DVL3: variants seen among roughly 807,000 people sequenced by gnomAD.
DVL3 encodes segment polarity protein dishevelled homolog DVL-3.
DVL3 carries 27 observed loss-of-function variants against 67.4 expected under a neutral mutation model. The observed-to-expected ratio is 0.40, with a 90% CI of 0.30 to 0.55. DVL3 has a LOEUF of 0.55. Ranked by LOEUF, DVL3 falls within the 20% of genes least tolerant of loss-of-function variation. DVL3 has a pLI of 0.46. For missense variants in DVL3, 819 were observed against 1,021.5 expected, an observed-to-expected ratio of 0.80 and a Z score of 2.70; for synonymous variants, 369 against 396.8, an observed-to-expected ratio of 0.93 and a Z score of 0.83.
rs1339766155 is a variant in DVL3, at chr3:184,166,909, A to G, written c.1132A>G (p.Ser378Gly). The change falls in exon 11 of 15, where the codon AGC becomes GGC. Residue 378 changes from serine to glycine, a missense_variant. Physicochemically the swap from Ser to Gly is moderately conservative, Grantham distance 56. Transcript: ENST00000313143. The surrounding 1 kb of genome is among the most constrained non-coding windows in gnomAD (Gnocchi z 6.7). ...CGGCACCTTCCCTGCATACGGCATG[A>G]GCCCCTCCCTGAGCACCATCACCTC... ...MTGTFPAYGM[S>G]PSLSTITSTS... The G allele has an allele frequency of 1.2e-6, 2 of 1,614,074 alleles. No individual in the cohort carries two copies. Among genetic ancestry groups the G allele is most frequent in the Non-Finnish European group, 1.7e-6 (2 of 1,180,010 alleles).
At position 184,166,758 on chromosome 3, in the gene DVL3, C is replaced by T. The variant is rs78832031; in HGVS notation, c.1049-68C>T. On this transcript the variant is annotated intron_variant, in intron 10 of 14. Coordinates refer to ENST00000313143, the MANE Select transcript of DVL3 (RefSeq NM_004423.4). The surrounding 1 kb of genome is among the most constrained non-coding windows in gnomAD (Gnocchi z 6.7). ...CCTTTCTTCTCTCACCCAGAACCCC[C>T]ATATCTATCCTGTTGGGCCCAGCAG... 1.9e-3 allele frequency: 3,068 copies of T among 1,613,322 alleles called. 50 individuals are homozygous for T. The African/African-American group carries it at 0.037, about 19-fold the overall frequency.
rs369033503 is a variant in DVL3, at chr3:184,165,037, C to T, written c.600-76C>T. 1.3e-4 allele frequency: 216 copies of T among 1,607,718 alleles called. No individual in the cohort carries two copies. In the Middle Eastern group the frequency reaches 3.2e-3, roughly 24 times the overall value. ...AGGCTTATGGGCTTTGTGTTGGGGA[C>T]CCAGGCCCTGCAGTGCCTCCCCTCA... On this transcript the variant is annotated intron_variant, in intron 5 of 14. Transcript: ENST00000313143. The surrounding 1 kb of genome is among the most constrained non-coding windows in gnomAD (Gnocchi z 4.1).
At chr3:184,159,702 G>A (rs1186820897) in intron 1 of DVL3, among the ~76,000 whole-genome samples, 1 of 151,944 alleles carries the variant, frequency 6.6e-6, no homozygotes, top group East Asian at 1.9e-4. Context: ...GTAACACTCA[G>A]CAGATGTCTA....
At position 184,166,178 on chromosome 3, in the gene DVL3, T is replaced by A. The variant is rs765975448; in HGVS notation, c.816T>A (p.Gly272=). Residue 272 remains glycine, a synonymous_variant, in exon 8 of 15, where the codon GGT becomes GGA. Coordinates refer to ENST00000313143, the MANE Select transcript of DVL3 (RefSeq NM_004423.4). This position sits in a 1 kb window ranked among gnomAD's most constrained non-coding sequence, Gnocchi z 6.7. ...TTGTGGGCCAAAGCAACGAGCGTGG[T>A]GACGGCGGCATCTACATTGGCTCTA... ...ISIVGQSNER[G]DGGIYIGSIM... The A allele has an allele frequency of 1.9e-5, 30 of 1,613,670 alleles. No homozygotes were observed. Among genetic ancestry groups the A allele is most frequent in the Non-Finnish European group, 2.5e-5 (29 of 1,179,946 alleles).
chr3:184,171,127 G>C lies in DVL3; in HGVS notation c.*372G>C. ...GGCACGCTCACTCCCTCATTCTCTC[G>C]TTTCCCCTTTAGCTCCCTTTCACCA... On this transcript the variant is annotated 3_prime_UTR_variant, in exon 15 of 15. Coordinates refer to ENST00000313143, the MANE Select transcript of DVL3 (RefSeq NM_004423.4). 2.5e-6 allele frequency: 3 copies of C among 1,191,124 alleles called. No individual in the cohort carries two copies. The highest frequency in any genetic ancestry group is 1.6e-5 in the African/African-American group (1 of 62,578). 73.8% of individuals were successfully genotyped at this position (1,191,124 alleles called of 1,614,324 possible).
chr3:184,163,179 C>T lies in DVL3; in HGVS notation c.162-478C>T, dbSNP rs888673602. On this transcript the variant is annotated intron_variant, in intron 1 of 14. Transcript: ENST00000313143. This position sits in a 1 kb window ranked among gnomAD's most constrained non-coding sequence, Gnocchi z 4.5. ...CTGGGATTACAGGTGTGAGCTATCACGCCTGGCCTCCCCTTCTCTTTTCTA... is the reference window on the plus strand; with the variant it reads ...CTGGGATTACAGGTGTGAGCTATCATGCCTGGCCTCCCCTTCTCTTTTCTA... Among the ~76,000 whole-genome samples the T allele has an allele frequency of 1.3e-5, 2 of 152,076 alleles. No homozygotes were observed. Among genetic ancestry groups the T allele is most frequent in the East Asian group, 1.9e-4 (1 of 5,176 alleles).
Position 184,166,033 on chromosome 3 carries a change from C to A in DVL3, c.764-93C>A. ...TGCCTGATTCAGGATCAGCAAATGTCAGTTCAGTTCCTGTCCCTTTCCATT... is the reference window on the plus strand; with the variant it reads ...TGCCTGATTCAGGATCAGCAAATGTAAGTTCAGTTCCTGTCCCTTTCCATT... On this transcript the variant is annotated intron_variant, in intron 7 of 14. Coordinates refer to ENST00000313143, the MANE Select transcript of DVL3 (RefSeq NM_004423.4). This position sits in a 1 kb window ranked among gnomAD's most constrained non-coding sequence, Gnocchi z 6.7. The A allele has an allele frequency of 6.9e-7, 1 of 1,456,206 alleles. No individual in the cohort carries two copies. The allele number at this position is 1,456,206 out of a possible 1,614,324, so 90.2% of individuals were successfully genotyped here.
Position 184,165,515 on chromosome 3 carries a change from T to G in DVL3, c.763+24T>G, listed in dbSNP as rs368141690. The stretch of plus-strand genomic sequence containing the variant: ...GGGTGAGTCTGAGGAAACAGCACTC[T>G]CAAGCACCTGCTATATGCCAGACAC... On this transcript the variant is annotated intron_variant, in intron 7 of 14. Transcript: ENST00000313143. This position sits in a 1 kb window ranked among gnomAD's most constrained non-coding sequence, Gnocchi z 4.1. The G allele has an allele frequency of 6.2e-6, 10 of 1,604,624 alleles. No individual in the cohort carries two copies. The African/African-American group carries it at 1.3e-4, about 21-fold the overall frequency.
At position 184,167,397 on chromosome 3, in the gene DVL3, A is replaced by G. The variant is rs373997430; in HGVS notation, c.1199-183A>G. On this transcript the variant is annotated intron_variant, in intron 11 of 14. Transcript: ENST00000313143. The surrounding 1 kb of genome is among the most constrained non-coding windows in gnomAD (Gnocchi z 4.6). ...ACATTATTTAATCCTTTATTCAAATAGCCTTGTAAAGTAGATATTAAAATC... is the reference window on the plus strand; with the variant it reads ...ACATTATTTAATCCTTTATTCAAATGGCCTTGTAAAGTAGATATTAAAATC... 6.6e-6 allele frequency among the ~76,000 whole-genome samples: 1 copy of G among 152,236 alleles called. No homozygotes were observed. The highest frequency in any genetic ancestry group is 1.9e-4 in the East Asian group (1 of 5,200).
rs1397295898 is a variant in DVL3, at chr3:184,169,987, C to T, written c.1499-19C>T. 6.3e-7 allele frequency: 1 copy of T among 1,584,212 alleles called. No homozygotes were observed. The highest frequency in any genetic ancestry group is 2.2e-5 in the East Asian group (1 of 44,462). On this transcript the variant is annotated intron_variant, in intron 13 of 14. Coordinates refer to ENST00000313143, the MANE Select transcript of DVL3 (RefSeq NM_004423.4). ...TCTCTCCGGAAAGACCTAGCTCCAT[C>T]CGGCCCTCCCCTTCACAGACATGGC...
chr3:184,165,335 GCA>G lies in DVL3; in HGVS notation c.694-85_694-84del. 6.5e-7 allele frequency: 1 copy of G among 1,545,596 alleles called. No individual in the cohort carries two copies. Among genetic ancestry groups the G allele is most frequent in the South Asian group, 1.1e-5 (1 of 87,630 alleles). On this transcript the variant is annotated intron_variant, in intron 6 of 14. Coordinates refer to ENST00000313143, the MANE Select transcript of DVL3 (RefSeq NM_004423.4). The surrounding 1 kb of genome is among the most constrained non-coding windows in gnomAD (Gnocchi z 4.1). ...GTTGAGAACCTTGGGGCTGGGGGCTGCACCGGGGACTCACCTTGAGGAGGAGT... is the reference window on the plus strand; with the variant it reads ...GTTGAGAACCTTGGGGCTGGGGGCTGCCGGGGACTCACCTTGAGGAGGAGT...
At position 184,159,545 on chromosome 3, in the gene DVL3, A is replaced by G. The variant is rs1243930644; in HGVS notation, c.161+3749A>G. Among the ~76,000 whole-genome samples, 3 of 101,916 alleles carry G rather than the reference A, an allele frequency of 2.9e-5. 1 individual carries two copies. The highest frequency in any genetic ancestry group is 6.5e-5 in the Non-Finnish European group (3 of 46,286). 66.9% of individuals were successfully genotyped at this position (101,916 alleles called of 152,430 possible). On this transcript the variant is annotated intron_variant, in intron 1 of 14. Transcript: ENST00000313143. ...CACCTGGCTAATTTTTGTATTTTAA[A>G]TAGAGATGGGGTTTTGCTACGTTAG...
intron 13 of DVL3, 23 bp from the exon 14 acceptor site, chr3:184,169,983 C>T (rs1391196342): frequency 4.4e-6 from 7 of 1,580,090 alleles, no homozygotes; most frequent in Admixed American, 1.7e-5. Flanking sequence ...AGACCTAGCT[C>T]CATCCGGCCC....
chr3:184,157,778 G>A (rs1179068126), intron 1 of DVL3, among the ~76,000 whole-genome samples: 1 of 152,158 alleles, frequency 6.6e-6, no homozygotes, highest in Non-Finnish European at 1.5e-5. Flanking sequence ...ATTTTAGCAG[G>A]GTTGAAAACA....
chr3:184,156,245 A>G (rs1714183381), intron 1 of DVL3: 9 of 450,660 alleles, frequency 2.0e-5, no homozygotes, highest in South Asian at 1.4e-4. Context: ...TCCCAGCCAT[A>G]TTTGGAGTAT....
At position 184,170,336 on chromosome 3, in the gene DVL3, T is replaced by G; in HGVS notation, c.1732T>G (p.Ser578Ala). Residue 578 changes from serine to alanine, a missense_variant, in exon 15 of 15, where the codon TCC becomes GCC. Around this residue, in one of 3 missense-constraint regions of DVL3, gnomAD observed 324 missense variants for 331.3 expected, o/e 0.98. Coordinates refer to ENST00000313143, the MANE Select transcript of DVL3 (RefSeq NM_004423.4). This position sits in a 1 kb window ranked among gnomAD's most constrained non-coding sequence, Gnocchi z 6.5. ...TCCTACAGGCAGTCGGAGCAGTGGC[T>G]CCAACCGTAGCGGCAGCGATCGGAG... is the stretch of plus-strand genomic sequence containing the variant. ...QHSEGSRSSG[S>A]NRSGSDRRKE... 1 of 1,603,580 alleles carries G rather than the reference T, an allele frequency of 6.2e-7. No individual in the cohort carries two copies. Among genetic ancestry groups the G allele is most frequent in the Non-Finnish European group, 8.5e-7 (1 of 1,175,490 alleles).
chr3:184,166,706 G>A lies in DVL3; in HGVS notation c.1048+33G>A, dbSNP rs369163894. ...GATGGGAGACTCAGTCCTAAAGCTG[G>A]TGCTTACATACATGAGCACTGTCTC... is the stretch of plus-strand genomic sequence containing the variant. On this transcript the variant is annotated intron_variant, in intron 10 of 14. Transcript: ENST00000313143. This position sits in a 1 kb window ranked among gnomAD's most constrained non-coding sequence, Gnocchi z 6.7. 2 of 1,612,952 alleles carry A rather than the reference G, an allele frequency of 1.2e-6. No individual in the cohort carries two copies. Among genetic ancestry groups the A allele is most frequent in the Admixed American group, 3.3e-5 (2 of 59,772 alleles).
In DVL3 at chr3:184,171,000, T is replaced by G; in HGVS notation, c.*245T>G. ...TGCCCACTAATCCCTGCGCAGGACT[T>G]CCCAGGACCCCTTTTGTCTCTGGGA... On this transcript the variant is annotated 3_prime_UTR_variant, in exon 15 of 15. Transcript: ENST00000313143. The surrounding 1 kb of genome is among the most constrained non-coding windows in gnomAD (Gnocchi z 6.5). 6.9e-7 allele frequency: 1 copy of G among 1,457,640 alleles called. No individual in the cohort carries two copies. The highest frequency in any genetic ancestry group is 9.1e-7 in the Non-Finnish European group (1 of 1,099,084). The allele number at this position is 1,457,640 out of a possible 1,614,324, so 90.3% of individuals were successfully genotyped here.
In DVL3 at chr3:184,166,237, G is replaced by C; in HGVS notation, c.875G>C (p.Arg292Pro). ...MKGGAVAADGRIEPGDMLLQV... is the reference protein window; with the variant it reads ...MKGGAVAADGPIEPGDMLLQV... ...GGTGGGGCCGTGGCTGCTGATGGAC[G>C]CATCGAGCCAGGAGATATGTTGTTA... The change falls in exon 8 of 15, where the codon CGC (arginine) becomes CCC (proline). Residue 292 changes from arginine (R) to proline (P), a missense_variant. Arg to Pro is a moderately radical substitution (Grantham distance 103). Coordinates refer to ENST00000313143, the MANE Select transcript of DVL3 (RefSeq NM_004423.4). This position sits in a 1 kb window ranked among gnomAD's most constrained non-coding sequence, Gnocchi z 6.7. 6.2e-7 allele frequency: 1 copy of C among 1,612,922 alleles called. No homozygotes were observed. The highest frequency in any genetic ancestry group is 2.2e-5 in the East Asian group (1 of 44,884).
Sources: gnomAD v4.1 joint callset for allele counts (sites outside exome capture counted in the v4.1 genomes callset) on GRCh38, gnomAD v4.1.1 for gene constraint, gnomAD v4.1.1 regional missense constraint, Gnocchi (gnomAD v3.1) non-coding constraint, MANE v1.5 for transcripts, NCBI Gene and HGNC (gene_info 2026-07-23, HGNC 2026-07-21) for gene names.